The following NAA15 variants were observed in gnomAD, a reference collection of about 807,000 sequenced individuals.
The protein encoded by NAA15 is N-terminal acetyltransferase.
Under a neutral mutation model 114.0 loss-of-function variants are expected in NAA15, and 34 were observed. That is an observed-to-expected ratio of 0.30 (90% CI 0.23 to 0.40). The LOEUF is 0.40. Among genes scored for constraint, NAA15 ranks in the 10% least tolerant of loss-of-function variants. The probability of loss-of-function intolerance (pLI) is 1.00; values close to 1 mark genes in which losing one functional copy is unlikely to be tolerated. For missense variants in NAA15, 658 were observed against 1,004.5 expected (o/e 0.66, Z 4.66); for synonymous variants, 340 against 338.0 (o/e 1.01, Z -0.06).
chr4:139,334,301 C>A, intron 2 of NAA15, 43 bp downstream of exon 2: 1 of 1,285,818 alleles, frequency 7.8e-7, no homozygotes, highest in Non-Finnish European at 1.1e-6. Flanking sequence ...CCTGTCTGGC[C>A]TCTCTTACTG....
intron 9 of NAA15, among the ~76,000 whole-genome samples, chr4:139,353,687 A>G (rs913470099): frequency 6.6e-6 from 1 of 152,204 alleles, no homozygotes; most frequent in Non-Finnish European, 1.5e-5. Flanking sequence ...CTTAAATGCA[A>G]ATGTTTACTG....
chr4:139,339,858 C>T (rs1198506495), intron 3 of NAA15, among the ~76,000 whole-genome samples: 1 of 152,096 alleles, frequency 6.6e-6, no homozygotes, highest in Non-Finnish European at 1.5e-5. Context: ...GTAGCTGGTA[C>T]AGTAATCAAG....
chr4:139,334,062 G>A lies in NAA15; in HGVS notation c.55-112G>A, dbSNP rs969294530. On this transcript the variant is annotated intron_variant, in intron 1 of 19. Coordinates refer to ENST00000296543, the MANE Select transcript of NAA15 (RefSeq NM_057175.5). ...ATTGGCATTTTACCGAGATTTAGAA[G>A]CATATGGAAATAGCATTCTGTTGTA... is the stretch of plus-strand genomic sequence containing the variant. 8 of 667,350 alleles carry A rather than the reference G, an allele frequency of 1.2e-5. No individual in the cohort carries two copies. In the African/African-American group the frequency reaches 1.3e-4, roughly 11 times the overall value. 41.3% of individuals were successfully genotyped at this position (667,350 alleles called of 1,614,324 possible).
At chr4:139,355,257 T>A (rs1302692271) in intron 10 of NAA15, among the ~76,000 whole-genome samples, 1 of 152,190 alleles carries the variant, frequency 6.6e-6, no homozygotes, top group East Asian at 1.9e-4. Flanking sequence ...ATTTTTTTTT[T>A]GCCTTTCCTT....
In NAA15 at chr4:139,360,605, A is replaced by G; in HGVS notation, c.1516A>G (p.Lys506Glu). The G allele has an allele frequency of 6.2e-7, 1 of 1,607,960 alleles. No homozygotes were observed. The highest frequency in any genetic ancestry group is 8.5e-7 in the Non-Finnish European group (1 of 1,177,164). ...AATGAATAAATTTGGTGAAGCACTT[A>G]AGAAATGTCATGAGATTGAGAGAGT... ...KAMNKFGEAL[K>E]KCHEIERHFI... Residue 506 changes from lysine (K) to glutamate (E), a missense_variant, in exon 13 of 20, where the codon AAG (lysine) becomes GAG (glutamate). Lys to Glu is a moderately conservative substitution (Grantham distance 56). Transcript: ENST00000296543.
chr4:139,318,687 C>A (rs1323629215), intron 1 of NAA15, among the ~76,000 whole-genome samples: 1 of 151,984 alleles, frequency 6.6e-6, no homozygotes, highest in Non-Finnish European at 1.5e-5. Flanking sequence ...AACTCCGTCT[C>A]TACGAAAAAT....
chr4:139,361,674 C>T lies in NAA15; in HGVS notation c.1540-50C>T, dbSNP rs971123301. On this transcript the variant is annotated intron_variant, in intron 13 of 19. Transcript: ENST00000296543. ...TCCAATGCTTTGATTTTATAGTTTT[C>T]TTAGCCATTGCTGTACTTCGGTATA... 3 of 1,139,638 alleles carry T rather than the reference C, an allele frequency of 2.6e-6. No homozygotes were observed. The South Asian group carries it at 5.4e-5, about 20-fold the overall frequency. The allele number at this position is 1,139,638 out of a possible 1,614,324, so 70.6% of individuals were successfully genotyped here. A position where few individuals can be genotyped will look rare whatever the true frequency, so the allele number is the denominator to read the frequency against.
chr4:139,355,634 G>A (rs1184317523), intron 10 of NAA15, among the ~76,000 whole-genome samples: 1 of 151,926 alleles, frequency 6.6e-6, no homozygotes, highest in Non-Finnish European at 1.5e-5. Context: ...CTGCTCAATA[G>A]CTATATATAG....
chr4:139,362,712 C>A (rs1748169765), intron 14 of NAA15, among the ~76,000 whole-genome samples: 1 of 152,208 alleles, frequency 6.6e-6, no homozygotes, highest in Non-Finnish European at 1.5e-5. Flanking sequence ...TCATTTGACT[C>A]ATTTTTAATG....
chr4:139,357,499 A>G lies in NAA15; in HGVS notation c.1201A>G (p.Ile401Val). The change falls in exon 11 of 20, where the codon ATT (isoleucine) becomes GTT (valine). Residue 401 changes from isoleucine to valine, a missense_variant. Physicochemically the swap from Ile to Val is conservative, Grantham distance 29. Transcript: ENST00000296543. Reference sequence around the variant, plus strand: ...TGCTTTGGAGTACATAAATACTGCTATTGAAAGTACACCTACATTAATAGA... The same window carrying G: ...TGCTTTGGAGTACATAAATACTGCTGTTGAAAGTACACCTACATTAATAGA... Reference protein sequence around the residue: ...SIALEYINTAIESTPTLIELF... With the variant: ...SIALEYINTAVESTPTLIELF... 1 of 1,612,354 alleles carries G rather than the reference A, an allele frequency of 6.2e-7. No homozygotes were observed. Among genetic ancestry groups the G allele is most frequent in the Non-Finnish European group, 8.5e-7 (1 of 1,178,462 alleles).
chr4:139,318,210 C>G (rs777890844), intron 1 of NAA15, among the ~76,000 whole-genome samples: 25 of 151,990 alleles, frequency 1.6e-4, no homozygotes, highest in Non-Finnish European at 3.5e-4. Context: ...TATTCTGAGA[C>G]TGAGTATTTA....
At chr4:139,329,379 A>G (rs986262587) in intron 1 of NAA15, among the ~76,000 whole-genome samples, 1 of 151,802 alleles carries the variant, frequency 6.6e-6, no homozygotes, top group Non-Finnish European at 1.5e-5. Context: ...GTGTCTAGAT[A>G]TTTTCTATTG....
intron 1 of NAA15, among the ~76,000 whole-genome samples, chr4:139,305,701 A>C (rs550186577): frequency 6.6e-6 from 1 of 151,858 alleles, no homozygotes; most frequent in Non-Finnish European, 1.5e-5. Flanking sequence ...CACCTAGCTA[A>C]TTTTGTATTG....
At chr4:139,362,346 C>G (rs1358771387) in intron 14 of NAA15, among the ~76,000 whole-genome samples, 1 of 152,110 alleles carries the variant, frequency 6.6e-6, no homozygotes, top group African/African-American at 2.4e-5. Flanking sequence ...AGTGCATGAT[C>G]TCGGATCACT....
chr4:139,304,846 C>T (rs1745955412), intron 1 of NAA15, among the ~76,000 whole-genome samples: 1 of 152,136 alleles, frequency 6.6e-6, no homozygotes, highest in Non-Finnish European at 1.5e-5. Flanking sequence ...TCCCACCGCC[C>T]TCCCATCCCC....
At chr4:139,315,729 G>A (rs1746388997) in intron 1 of NAA15, among the ~76,000 whole-genome samples, 2 of 151,236 alleles carry the variant, frequency 1.3e-5, no homozygotes, top group Non-Finnish European at 2.9e-5. Context: ...CTCATCTTTG[G>A]TTTATGTTAT....
intron 6 of NAA15, among the ~76,000 whole-genome samples, chr4:139,348,007 C>G (rs891959484): frequency 1.3e-5 from 2 of 149,336 alleles, no homozygotes; most frequent in Non-Finnish European, 3.0e-5. Context: ...AGTCCGCAGT[C>G]CGGCCTGGGC....
chr4:139,377,805 C>T (rs964145231), intron 16 of NAA15, among the ~76,000 whole-genome samples: 4 of 152,098 alleles, frequency 2.6e-5, no homozygotes, highest in Non-Finnish European at 5.9e-5. Flanking sequence ...AATAAATAGT[C>T]CAATAATTCT....
At chr4:139,350,152 A>G (rs946506297) in intron 7 of NAA15, among the ~76,000 whole-genome samples, 3 of 151,760 alleles carry the variant, frequency 2.0e-5, no homozygotes, top group African/African-American at 7.3e-5. Context: ...CATCAAAAAC[A>G]TGAAAGGAAG....
Sources: gnomAD v4.1 joint callset for allele counts (sites outside exome capture counted in the v4.1 genomes callset) on GRCh38, gnomAD v4.1.1 for gene constraint, MANE v1.5 for transcripts, NCBI Gene and HGNC (gene_info 2026-07-23, HGNC 2026-07-21) for gene names.